Variants in SPRED1 observed in about 807,000 individuals in gnomAD.
SPRED1 encodes sprouty related EVH1 domain containing 1.
SPRED1 carries 18 observed loss-of-function variants against 52.3 expected under a neutral mutation model. The observed-to-expected ratio is 0.34, with a 90% CI of 0.24 to 0.51. The LOEUF (loss-of-function observed/expected upper bound fraction) is 0.51, where lower values mean the gene tolerates loss of function less well. SPRED1 is among the 20% of genes least tolerant of loss of function. The pLI, the probability that SPRED1 is intolerant of heterozygous loss-of-function variation, is 0.97. For synonymous variants in SPRED1, 155 were observed against 179.7 expected, an observed-to-expected ratio of 0.86 and a Z score of 1.10; for missense variants, 485 against 551.0, an observed-to-expected ratio of 0.88 and a Z score of 1.20.
At chr15:38,338,038 T>TAAA (rs66632536) in intron 4 of SPRED1, among the ~76,000 whole-genome samples, 14 of 88,864 alleles carry the variant, frequency 1.6e-4, no homozygotes, top group Non-Finnish European at 2.2e-4. Context: ...CCATTGCTAC[T>TAAA]AAAAAAAAAA....
chr15:38,301,467 A>T (rs1308080276), intron 2 of SPRED1, among the ~76,000 whole-genome samples: 1 of 152,174 alleles, frequency 6.6e-6, no homozygotes, highest in Non-Finnish European at 1.5e-5. Flanking sequence ...GATAAGAAAC[A>T]TCTCTCAGTA....
intron 1 of SPRED1, among the ~76,000 whole-genome samples, chr15:38,293,099 C>CTT (rs66511254): frequency 0.12 from 10,635 of 90,366 alleles, 1,797 homozygotes; most frequent in Middle Eastern, 0.31. Flanking sequence ...AAGATTACAA[C>CTT]TTTTTTTTTT....
At chr15:38,332,509 G>A (rs983274421) in intron 4 of SPRED1, among the ~76,000 whole-genome samples, 1 of 152,144 alleles carries the variant, frequency 6.6e-6, no homozygotes, top group Non-Finnish European at 1.5e-5. Context: ...GAAGGTCAAG[G>A]TTACAGTGAG....
At position 38,356,992 on chromosome 15, in the gene SPRED1, C is replaced by T. The variant is rs1888635721; in HGVS notation, c.*5328C>T. The T allele has an allele frequency of 6.6e-6, 1 of 152,154 alleles. No homozygotes were observed. Among genetic ancestry groups the T allele is most frequent in the African/African-American group, 2.4e-5 (1 of 41,448 alleles). The allele number at this position is 152,154 out of a possible 1,614,324, so 9.4% of individuals were successfully genotyped here. ...TACAGGTTTTTCAGAATTTGCTTTA[C>T]ATTCTTCACATCAAGTTAATACCCA... is the stretch of plus-strand genomic sequence containing the variant. On this transcript the variant is annotated 3_prime_UTR_variant, in exon 7 of 7. Transcript: ENST00000299084.
At chr15:38,348,020 G>A (rs1422625417) in intron 5 of SPRED1, among the ~76,000 whole-genome samples, 1 of 152,136 alleles carries the variant, frequency 6.6e-6, no homozygotes, top group Admixed American at 6.6e-5. Context: ...TTTTCAAAGT[G>A]TGTATGTGTT....
chr15:38,292,448 T>A (rs1415613871), intron 1 of SPRED1, among the ~76,000 whole-genome samples: 2 of 152,192 alleles, frequency 1.3e-5, no homozygotes, highest in Non-Finnish European at 2.9e-5. Flanking sequence ...ACACTGCTGA[T>A]AAAGACATAC....
rs66511254 is a variant in SPRED1, at chr15:38,293,099, C to CTTTTTTT, written c.33-6261_33-6255dup. Among the ~76,000 whole-genome samples, 18 of 90,724 alleles carry CTTTTTTT rather than the reference C, an allele frequency of 2.0e-4. 6 individuals are homozygous for CTTTTTTT. The highest frequency in any genetic ancestry group is 2.5e-4 in the African/African-American group (6 of 24,070). 59.5% of individuals were successfully genotyped at this position (90,724 alleles called of 152,430 possible). On this transcript the variant is annotated intron_variant, in intron 1 of 6. Coordinates refer to ENST00000299084, the MANE Select transcript of SPRED1 (RefSeq NM_152594.3). ...TTAAGTAATTTACCCAAGATTACAA[C>CTTTTTTT]TTTTTTTTTTTTTTTTTTTGAGACG...
chr15:38,293,764 C>G (rs977339104), intron 1 of SPRED1, among the ~76,000 whole-genome samples: 1 of 152,102 alleles, frequency 6.6e-6, no homozygotes, highest in African/African-American at 2.4e-5. Context: ...TTCTTTCTTT[C>G]TCTCTATCGC....
At chr15:38,285,788 T>G (rs1894795102) in intron 1 of SPRED1, among the ~76,000 whole-genome samples, 1 of 152,220 alleles carries the variant, frequency 6.6e-6, no homozygotes, top group South Asian at 2.1e-4. Context: ...AGCTCATGTT[T>G]TTCAAGTTAC....
Position 38,352,190 on chromosome 15 carries a change from G to T in SPRED1, c.*526G>T, listed in dbSNP as rs1455715538. The T allele has an allele frequency of 6.3e-6, 1 of 158,644 alleles. No homozygotes were observed. The highest frequency in any genetic ancestry group is 6.1e-5 in the Admixed American group (1 of 16,262). The allele number at this position is 158,644 out of a possible 1,614,324, so 9.8% of individuals were successfully genotyped here. ...ATGTTTATATTTAACTAAATGTAAGGTACGAATTATTACATATTAAACTTT... is the reference window on the plus strand; with the variant it reads ...ATGTTTATATTTAACTAAATGTAAGTTACGAATTATTACATATTAAACTTT... On this transcript the variant is annotated 3_prime_UTR_variant, in exon 7 of 7. Transcript: ENST00000299084.
chr15:38,269,650 A>G (rs1297462177), intron 1 of SPRED1, among the ~76,000 whole-genome samples: 1 of 152,068 alleles, frequency 6.6e-6, no homozygotes, highest in Non-Finnish European at 1.5e-5. Context: ...TTTTACTTCC[A>G]TTTGCTGCCA....
At chr15:38,277,417 A>G (rs531345773) in intron 1 of SPRED1, among the ~76,000 whole-genome samples, 2 of 152,314 alleles carry the variant, frequency 1.3e-5, no homozygotes, top group African/African-American at 4.8e-5. Flanking sequence ...CATGGCTTCC[A>G]GGTCCATCCA....
At chr15:38,287,930 C>T (rs1201933786) in intron 1 of SPRED1, among the ~76,000 whole-genome samples, 2 of 151,966 alleles carry the variant, frequency 1.3e-5, no homozygotes, top group East Asian at 3.8e-4. Context: ...TTTTGATTTC[C>T]CCTTGCTTAT....
intron 2 of SPRED1, among the ~76,000 whole-genome samples, chr15:38,305,110 C>A (rs1349467186): frequency 2.0e-5 from 3 of 152,030 alleles, no homozygotes; most frequent in African/African-American, 4.8e-5. Context: ...GGGTGGATTG[C>A]CTGAGGTCAG....
intron 2 of SPRED1, among the ~76,000 whole-genome samples, chr15:38,310,800 T>C (rs771832931): frequency 6.6e-6 from 1 of 152,232 alleles, no homozygotes; most frequent in Non-Finnish European, 1.5e-5. Flanking sequence ...TGCTATTAAT[T>C]TTCATTTGTT....
chr15:38,257,128 C>A (rs1894114047), intron 1 of SPRED1, among the ~76,000 whole-genome samples: 1 of 152,128 alleles, frequency 6.6e-6, no homozygotes, highest in African/African-American at 2.4e-5. Flanking sequence ...CATTTTTCCC[C>A]AAAAGACCTT....
At chr15:38,299,233 T>C in intron 1 of SPRED1, 140 bp from the exon 2 acceptor site, 1 of 965,768 alleles carries the variant, frequency 1.0e-6, no homozygotes, top group East Asian at 2.4e-5. Context: ...GGCTACTTTC[T>C]GTAGATTTTC....
chr15:38,293,840 C>T (rs993013300), intron 1 of SPRED1, among the ~76,000 whole-genome samples: 4 of 152,010 alleles, frequency 2.6e-5, no homozygotes, highest in Non-Finnish European at 5.9e-5. Context: ...GTGTCATGCT[C>T]TCTCTATTGA....
intron 1 of SPRED1, among the ~76,000 whole-genome samples, chr15:38,279,285 A>G (rs1894634654): frequency 6.6e-6 from 1 of 151,998 alleles, no homozygotes; most frequent in Non-Finnish European, 1.5e-5. Flanking sequence ...ACATTTTCTT[A>G]TTGTTGTACT....
Sources: gnomAD v4.1 joint callset for allele counts (sites outside exome capture counted in the v4.1 genomes callset) on GRCh38, gnomAD v4.1.1 for gene constraint, MANE v1.5 for transcripts, NCBI Gene and HGNC (gene_info 2026-07-23, HGNC 2026-07-21) for gene names.